The following KCNK13 variants were observed in gnomAD, a reference collection of about 807,000 sequenced individuals.
KCNK13 encodes potassium channel subfamily K member 13.
A neutral mutation model predicts 23.4 loss-of-function variants in KCNK13; 12 were observed. The ratio of observed to expected loss-of-function variants is 0.51; its 90% confidence interval spans 0.33 to 0.83. The LOEUF is 0.83. Ranked by LOEUF, KCNK13 falls within the 40% of genes least tolerant of loss-of-function variation. The pLI is 0.02. For synonymous variants in KCNK13, 231 were observed against 229.5 expected (o/e 1.01, Z -0.06); for missense variants, 463 against 556.3 (o/e 0.83, Z 1.69).
chr14:90,138,052 A>G (rs1889959373), intron 1 of KCNK13, among the ~76,000 whole-genome samples: 2 of 152,142 alleles, frequency 1.3e-5, no homozygotes, highest in African/African-American at 4.8e-5. Flanking sequence ...GCTTATTAGT[A>G]CCCATAACAG....
rs147755567 is a variant in KCNK13 at position 90,092,129 on chromosome 14, A to G, written c.334+29590A>G. Among the ~76,000 whole-genome samples the G allele has an allele frequency of 1.8e-3, 281 of 152,144 alleles. 1 individual carries two copies. Among genetic ancestry groups the G allele is most frequent in the African/African-American group, 6.0e-3 (249 of 41,514 alleles). On this transcript the variant is annotated intron_variant, in intron 1 of 1. Transcript: ENST00000282146. Reference sequence around the variant, plus strand: ...AGTAGAGATGGGGTTTCACCATGTTAGCCAGGATGGTCTCCATCTCCTGAC... The same window carrying G: ...AGTAGAGATGGGGTTTCACCATGTTGGCCAGGATGGTCTCCATCTCCTGAC...
At chr14:90,172,792 C>T (rs11845073) in intron 1 of KCNK13, among the ~76,000 whole-genome samples, 9,834 of 152,084 alleles carry the variant, frequency 0.065, 1,050 homozygotes, top group African/African-American at 0.22. Flanking sequence ...CTATTAAGCA[C>T]GATCAACATT....
chr14:90,131,084 T>C (rs559535762), intron 1 of KCNK13, among the ~76,000 whole-genome samples: 1 of 152,278 alleles, frequency 6.6e-6, no homozygotes, highest in Admixed American at 6.5e-5. Flanking sequence ...TGAGAACTTA[T>C]GGAAAGCACC....
chr14:90,079,905 A>C (rs572106582), intron 1 of KCNK13, among the ~76,000 whole-genome samples: 6 of 152,132 alleles, frequency 3.9e-5, no homozygotes, highest in Non-Finnish European at 8.8e-5. Flanking sequence ...GTGAGCAGGG[A>C]GTGGGTGTGT....
intron 1 of KCNK13, among the ~76,000 whole-genome samples, chr14:90,130,225 G>A (rs1889851794): frequency 1.8e-5 from 1 of 56,748 alleles, no homozygotes; most frequent in African/African-American, 5.2e-5. Context: ...TTTCAGACAG[G>A]GTTTCACTCT....
intron 1 of KCNK13, among the ~76,000 whole-genome samples, chr14:90,153,395 A>C (rs1023949794): frequency 1.3e-5 from 2 of 152,228 alleles, no homozygotes; most frequent in African/African-American, 4.8e-5. Flanking sequence ...ACTTAATACC[A>C]GTACTATCTA....
At chr14:90,180,948 C>T (rs1890477961) in intron 1 of KCNK13, among the ~76,000 whole-genome samples, 1 of 152,226 alleles carries the variant, frequency 6.6e-6, no homozygotes, top group Admixed American at 6.5e-5. Context: ...CCTCCACCTC[C>T]CGGGTTCAAG....
intron 1 of KCNK13, among the ~76,000 whole-genome samples, chr14:90,169,371 G>C (rs6575108): frequency 0.065 from 9,812 of 152,086 alleles, 1,045 homozygotes; most frequent in African/African-American, 0.22. Flanking sequence ...TTATTTCCTG[G>C]ATCAGGTTTG....
intron 1 of KCNK13, among the ~76,000 whole-genome samples, chr14:90,141,799 G>GT (rs1555352013): frequency 6.7e-6 from 1 of 148,770 alleles, no homozygotes; most frequent in South Asian, 2.2e-4. Context: ...TTTTTTGGGG[G>GT]GGGGGACGGA....
chr14:90,123,238 A>G (rs1188839634), intron 1 of KCNK13, among the ~76,000 whole-genome samples: 3 of 152,188 alleles, frequency 2.0e-5, no homozygotes, highest in Non-Finnish European at 2.9e-5. Flanking sequence ...GGTGGCTTAA[A>G]CAGCAGAAGT....
chr14:90,156,610 AAGGAAC>A, intron 1 of KCNK13, among the ~76,000 whole-genome samples: 1 of 152,180 alleles, frequency 6.6e-6, no homozygotes, highest in Non-Finnish European at 1.5e-5. Context: ...TGAAATATTC[AAGGAAC>A]GGGGGCCAAA....
chr14:90,064,755 A>AT (rs1476723981), intron 1 of KCNK13, among the ~76,000 whole-genome samples: 2 of 152,204 alleles, frequency 1.3e-5, no homozygotes, highest in African/African-American at 4.8e-5. Flanking sequence ...AAAAAACATG[A>AT]TGTCAGTGTG....
intron 1 of KCNK13, among the ~76,000 whole-genome samples, chr14:90,105,368 C>G (rs889284979): frequency 6.6e-6 from 1 of 152,186 alleles, no homozygotes; most frequent in East Asian, 1.9e-4. Flanking sequence ...GTCCTCACCT[C>G]ATTTATTCCC....
intron 1 of KCNK13, among the ~76,000 whole-genome samples, chr14:90,109,675 G>T (rs531851997): frequency 6.6e-6 from 1 of 151,054 alleles, no homozygotes; most frequent in South Asian, 2.1e-4. Flanking sequence ...CTCCCAAAGT[G>T]CTGGGATTAC....
At chr14:90,178,323 C>G (rs1350164987) in intron 1 of KCNK13, among the ~76,000 whole-genome samples, 1 of 149,396 alleles carries the variant, frequency 6.7e-6, no homozygotes, top group Non-Finnish European at 1.5e-5. Flanking sequence ...TGGAGTCTCG[C>G]TCTTGTTGCC....
At chr14:90,132,378 T>C (rs1889884637) in intron 1 of KCNK13, among the ~76,000 whole-genome samples, 1 of 152,098 alleles carries the variant, frequency 6.6e-6, no homozygotes, top group Non-Finnish European at 1.5e-5. Flanking sequence ...ACCCCGTCTC[T>C]ACTAAAAATA....
chr14:90,151,938 G>A (rs1709982570), intron 1 of KCNK13, among the ~76,000 whole-genome samples: 1 of 152,182 alleles, frequency 6.6e-6, no homozygotes, highest in African/African-American at 2.4e-5. Context: ...CTGTAAATGT[G>A]TGGATTTATT....
intron 1 of KCNK13, among the ~76,000 whole-genome samples, chr14:90,138,972 G>A (rs74082632): frequency 0.16 from 24,619 of 152,016 alleles, 2,278 homozygotes; most frequent in South Asian, 0.29. Flanking sequence ...GCAACAGTGG[G>A]GCTCTGGGGA....
intron 1 of KCNK13, among the ~76,000 whole-genome samples, chr14:90,175,606 G>A (rs1890414124): frequency 2.0e-5 from 3 of 152,164 alleles, no homozygotes; most frequent in Non-Finnish European, 2.9e-5. Context: ...TGAAGAAGAG[G>A]AGGAAGATAG....
Sources: gnomAD v4.1 joint callset for allele counts (sites outside exome capture counted in the v4.1 genomes callset) on GRCh38, gnomAD v4.1.1 for gene constraint, MANE v1.5 for transcripts, NCBI Gene and HGNC (gene_info 2026-07-23, HGNC 2026-07-21) for gene names.